EXD3: variants seen among roughly 807,000 people sequenced by gnomAD.
EXD3 encodes exonuclease 3'-5' domain containing 3, also known as exonuclease mut-7 homolog.
Under a neutral mutation model 98.0 loss-of-function variants are expected in EXD3, and 92 were observed. The observed-to-expected ratio is 0.94, with a 90% CI of 0.79 to 1.12. The LOEUF (loss-of-function observed/expected upper bound fraction) is 1.12. Among genes scored for constraint, EXD3 ranks in the 50% most tolerant of loss-of-function variants. The pLI is 0.00. For missense variants in EXD3, 1,222 were observed against 1,191.6 expected, an observed-to-expected ratio of 1.03 and a Z score of -0.38; for synonymous variants, 569 against 526.0, an observed-to-expected ratio of 1.08 and a Z score of -1.12.
intron 6 of EXD3, chr9:137,367,417 C>A: frequency 6.4e-6 from 1 of 156,424 alleles, no homozygotes; most frequent in Non-Finnish European, 1.4e-5. Context: ...ACTCCCCCAC[C>A]CTGCCCCTGC....
intron 3 of EXD3, among the ~76,000 whole-genome samples, chr9:137,374,179 G>A (rs1835782042): frequency 6.6e-6 from 1 of 152,252 alleles, no homozygotes; most frequent in Admixed American, 6.5e-5. Flanking sequence ...TCCTGCAAGT[G>A]AGTCAACCGC....
chr9:137,307,009 T>C lies in EXD3; in HGVS notation c.2572A>G (p.Ser858Gly). ...CTCGGCTCGCAGGGGCTGGGGGCGC[T>C]CTCCAGCATGTCTCGGAAGTGGGTG... ...VATHFRDMLESAPSPCEPSPA... is the reference protein window; with the variant it reads ...VATHFRDMLEGAPSPCEPSPA... The change falls in exon 22 of 22, where the codon AGC becomes GGC. Residue 858 changes from serine (S) to glycine (G), a missense_variant. Transcript: ENST00000340951. 6.2e-7 allele frequency: 1 copy of C among 1,610,870 alleles called. No homozygotes were observed. Among genetic ancestry groups the C allele is most frequent in the Non-Finnish European group, 8.5e-7 (1 of 1,178,958 alleles).
intron 19 of EXD3, among the ~76,000 whole-genome samples, chr9:137,316,128 C>G (rs1250133047): frequency 6.6e-6 from 1 of 151,262 alleles, no homozygotes; most frequent in African/African-American, 2.4e-5. Context: ...CTGGCTTTCC[C>G]AGACGGGGGA....
chr9:137,420,745 C>CCCT (rs1554743370), intron 1 of EXD3, among the ~76,000 whole-genome samples: 1 of 148,004 alleles, frequency 6.8e-6, no homozygotes, highest in Non-Finnish European at 1.5e-5. Flanking sequence ...TCACCCCCCC[C>CCCT]CCCAAATTCA....
intron 2 of EXD3, among the ~76,000 whole-genome samples, chr9:137,388,209 C>CG (rs1329888220): frequency 6.6e-6 from 1 of 152,130 alleles, no homozygotes. Context: ...TGGCTTCCCC[C>CG]CCAGCCACCC....
chr9:137,325,676 G>A (rs1832361059), intron 17 of EXD3, among the ~76,000 whole-genome samples: 1 of 152,232 alleles, frequency 6.6e-6, no homozygotes, highest in African/African-American at 2.4e-5. Context: ...CAGGTGATCT[G>A]TCTGCCTTGG....
At chr9:137,310,487 C>G (rs1275729141) in intron 19 of EXD3, among the ~76,000 whole-genome samples, 1 of 152,196 alleles carries the variant, frequency 6.6e-6, no homozygotes, top group African/African-American at 2.4e-5. Flanking sequence ...TCTGGGTTTC[C>G]CAAAGTGCTG....
At chr9:137,378,113 T>C (rs1039470024) in intron 3 of EXD3, among the ~76,000 whole-genome samples, 1 of 152,004 alleles carries the variant, frequency 6.6e-6, no homozygotes, top group South Asian at 2.1e-4. Flanking sequence ...ATAAAAGTAG[T>C]AGTTTGACAG....
Position 137,352,341 on chromosome 9 carries a change from C to A in EXD3, c.1038-140G>T. On this transcript the variant is annotated intron_variant, in intron 11 of 21. Coordinates refer to ENST00000340951, the MANE Select transcript of EXD3 (RefSeq NM_017820.5). Reference sequence around the variant, plus strand: ...CTCCTCCTCCCACACCGGCTCAGTCCAGCCCAGCGTGACCCTTGCTCCTGC... The same window carrying A: ...CTCCTCCTCCCACACCGGCTCAGTCAAGCCCAGCGTGACCCTTGCTCCTGC... The A allele has an allele frequency of 6.4e-6, 8 of 1,246,634 alleles. No homozygotes were observed. The South Asian group carries it at 1.1e-4, about 18-fold the overall frequency. 77.2% of individuals were successfully genotyped at this position (1,246,634 alleles called of 1,614,324 possible).
chr9:137,327,516 C>A (rs1832495522), intron 17 of EXD3, among the ~76,000 whole-genome samples: 1 of 152,000 alleles, frequency 6.6e-6, no homozygotes, highest in Non-Finnish European at 1.5e-5. Flanking sequence ...GCTAATGCCA[C>A]TGAATTGTAC....
chr9:137,309,575 C>T (rs777837064), intron 20 of EXD3, 32 bp downstream of exon 20: 2 of 1,531,618 alleles, frequency 1.3e-6, no homozygotes, highest in African/African-American at 2.8e-5. Flanking sequence ...CCCAGGCCCC[C>T]CAGACCCAGT....
Position 137,349,228 on chromosome 9 carries a change from G to A in EXD3, c.1712C>T (p.Ala571Val). ...CAGGTCCTCCGACAGGTGGAAGCGG[G>A]CGGGCTCTCTGCACAGGGCTTGGTG... Reference protein sequence around the residue: ...EVHQALCREPARFHLSEDLAG... With the variant: ...EVHQALCREPVRFHLSEDLAG... The change falls in exon 16 of 22, where the codon GCC becomes GTC. Residue 571 changes from alanine to valine, a missense_variant. Physicochemically the swap from Ala to Val is moderately conservative, Grantham distance 64 (BLOSUM62 0). Coordinates refer to ENST00000340951, the MANE Select transcript of EXD3 (RefSeq NM_017820.5). The surrounding 1 kb of genome is among the most constrained non-coding windows in gnomAD (Gnocchi z 7.4). 6.3e-7 allele frequency: 1 copy of A among 1,577,264 alleles called. No individual in the cohort carries two copies. Among genetic ancestry groups the A allele is most frequent in the Non-Finnish European group, 8.6e-7 (1 of 1,167,926 alleles).
Position 137,350,989 on chromosome 9 carries a change from G to A in EXD3, c.1494+49C>T, listed in dbSNP as rs929290212. 2.3e-5 allele frequency: 34 copies of A among 1,509,376 alleles called. No individual in the cohort carries two copies. In the Admixed American group the frequency reaches 2.8e-4, roughly 13 times the overall value. 93.5% of individuals were successfully genotyped at this position (1,509,376 alleles called of 1,614,324 possible). A position where few individuals can be genotyped will look rare whatever the true frequency, so the allele number is the denominator to read the frequency against. On this transcript the variant is annotated intron_variant, in intron 14 of 21. Transcript: ENST00000340951. ...TGTGGAGGGGCCCCAAGCAGCCCTC[G>A]AACCCCAGGCCCACCCGGCATCTTG...
At chr9:137,337,426 G>A (rs558214344) in intron 17 of EXD3, among the ~76,000 whole-genome samples, 1 of 152,232 alleles carries the variant, frequency 6.6e-6, no homozygotes, top group East Asian at 1.9e-4. Context: ...GCCAAGGCGG[G>A]CGGATCACAA....
chr9:137,382,087 C>G (rs568438568), intron 3 of EXD3, among the ~76,000 whole-genome samples: 1,352 of 55,126 alleles, frequency 0.025, 8 homozygotes, highest in African/African-American at 0.042. Flanking sequence ...CGGTGGAGGT[C>G]AGGGCGGCGG....
In EXD3 at chr9:137,324,184, C is replaced by T. The variant is rs200009283; in HGVS notation, c.1999-41G>A. On this transcript the variant is annotated intron_variant, in intron 17 of 21. Transcript: ENST00000340951. The surrounding 1 kb of genome is among the most constrained non-coding windows in gnomAD (Gnocchi z 4.1). ...GACCAGCACATAAAGGGGGCAGCTCCGTGCTCCTGGACTGGGCCACCTCTG... is the reference window on the plus strand; with the variant it reads ...GACCAGCACATAAAGGGGGCAGCTCTGTGCTCCTGGACTGGGCCACCTCTG... 95 of 1,533,762 alleles carry T rather than the reference C, an allele frequency of 6.2e-5. No individual in the cohort carries two copies. In the African/African-American group the frequency reaches 6.3e-4, roughly 10 times the overall value.
Position 137,393,038 on chromosome 9 carries a change from G to A in EXD3, c.55+2265C>T. ...GTCTGTTCCAGGGAGGGCCATTAGT[G>A]TTCCAGGGGGTGCTGAGGCTGTTCC... On this transcript the variant is annotated intron_variant, in intron 2 of 21. Transcript: ENST00000340951. The surrounding 1 kb of genome is among the most constrained non-coding windows in gnomAD (Gnocchi z 4.6). The A allele has an allele frequency of 1.5e-6, 1 of 650,068 alleles. No homozygotes were observed. The highest frequency in any genetic ancestry group is 2.0e-5 in the African/African-American group (1 of 51,090). 40.3% of individuals were successfully genotyped at this position (650,068 alleles called of 1,614,324 possible).
Position 137,395,822 on chromosome 9 carries a change from G to A in EXD3, c.-47-418C>T, listed in dbSNP as rs1335125998. ...GTGCTCTCCTCCAGAGGGCAAGGGCGCCTGCAGGACCAGGGACCTCGGAGT... is the reference window on the plus strand; with the variant it reads ...GTGCTCTCCTCCAGAGGGCAAGGGCACCTGCAGGACCAGGGACCTCGGAGT... On this transcript the variant is annotated intron_variant, in intron 1 of 21. Coordinates refer to ENST00000340951, the MANE Select transcript of EXD3 (RefSeq NM_017820.5). The surrounding 1 kb of genome is among the most constrained non-coding windows in gnomAD (Gnocchi z 6.5). Among the ~76,000 whole-genome samples, 2 of 152,176 alleles carry A rather than the reference G, an allele frequency of 1.3e-5. No individual in the cohort carries two copies. The highest frequency in any genetic ancestry group is 4.8e-5 in the African/African-American group (2 of 41,444).
chr9:137,324,716 G>A lies in EXD3; in HGVS notation c.1999-573C>T, dbSNP rs181019152. On this transcript the variant is annotated intron_variant, in intron 17 of 21. Transcript: ENST00000340951. The surrounding 1 kb of genome is among the most constrained non-coding windows in gnomAD (Gnocchi z 4.1). Reference sequence around the variant, plus strand: ...TAAGGATTTTTTTTGTTTTTTAGACGGAGTCTCGCTCTTTCGCCCAGGCCG... The same window carrying A: ...TAAGGATTTTTTTTGTTTTTTAGACAGAGTCTCGCTCTTTCGCCCAGGCCG... Among the ~76,000 whole-genome samples, 28 of 152,160 alleles carry A rather than the reference G, an allele frequency of 1.8e-4. No homozygotes were observed. Among genetic ancestry groups the A allele is most frequent in the Admixed American group, 1.0e-3 (16 of 15,290 alleles).
Sources: allele counts gnomAD v4.1 joint callset (sites outside exome capture counted in the v4.1 genomes callset), GRCh38; gene constraint gnomAD v4.1.1; non-coding constraint Gnocchi (gnomAD v3.1); transcripts MANE v1.5; gene names NCBI Gene and HGNC (gene_info 2026-07-23, HGNC 2026-07-21).